Variants in NTNG1 observed in about 807,000 individuals in gnomAD.
The protein encoded by NTNG1 is netrin-G1.
A neutral mutation model predicts 54.0 loss-of-function variants in NTNG1; 16 were observed. The ratio of observed to expected loss-of-function variants is 0.30; its 90% CI spans 0.20 to 0.45. The LOEUF (loss-of-function observed/expected upper bound fraction) is 0.45, where lower values mean the gene tolerates loss of function less well. Among genes scored for constraint, NTNG1 ranks in the 20% least tolerant of loss-of-function variants. NTNG1 has a pLI of 1.00. For synonymous variants in NTNG1, 255 were observed against 263.1 expected (o/e 0.97, Z 0.30); for missense variants, 530 against 678.7 (o/e 0.78, Z 2.43).
intron 2 of NTNG1, among the ~76,000 whole-genome samples, chr1:107,246,096 G>A (rs1662175894): frequency 6.6e-6 from 1 of 152,112 alleles, no homozygotes. Flanking sequence ...CTGTTGCCCA[G>A]GCTGGAGTAC....
chr1:107,380,609 A>C (rs890257874), intron 3 of NTNG1, among the ~76,000 whole-genome samples: 2 of 152,248 alleles, frequency 1.3e-5, no homozygotes, highest in African/African-American at 4.8e-5. Context: ...TAGCTAATTT[A>C]CTATTGTTAT....
At chr1:107,245,348 TA>T (rs1441450524) in intron 2 of NTNG1, among the ~76,000 whole-genome samples, 5 of 152,234 alleles carry the variant, frequency 3.3e-5, no homozygotes, top group Non-Finnish European at 7.3e-5. Flanking sequence ...TACGTAAGTG[TA>T]AGTATTTTTC....
chr1:107,194,545 G>A (rs1658187300), intron 2 of NTNG1, among the ~76,000 whole-genome samples: 1 of 151,832 alleles, frequency 6.6e-6, no homozygotes, highest in African/African-American at 2.4e-5. Context: ...CCCAGTTACT[G>A]GTCACATATG....
intron 7 of NTNG1, among the ~76,000 whole-genome samples, chr1:107,461,208 A>G (rs1677263039): frequency 6.6e-6 from 1 of 152,218 alleles, no homozygotes; most frequent in South Asian, 2.1e-4. Context: ...AAACAGGGAA[A>G]GAAATAAACA....
intron 4 of NTNG1, among the ~76,000 whole-genome samples, chr1:107,399,073 A>G (rs2101106202): frequency 1.3e-5 from 2 of 152,152 alleles, no homozygotes; most frequent in South Asian, 4.2e-4. Context: ...TATGACCCAT[A>G]AAAGCACTCC....
rs141401930 is a variant in NTNG1 at position 107,436,864 on chromosome 1, G to A, written c.1390+65G>A. On this transcript the variant is annotated intron_variant, in intron 7 of 7. Transcript: ENST00000370068. The stretch of plus-strand genomic sequence containing the variant: ...TGGCTGATTTCTGCTTGGCTAGGCC[G>A]GTGCGTGCAGCTTCTCAGAGCAGAA... 3.8e-5 allele frequency: 56 copies of A among 1,469,032 alleles called. 1 individual carries two copies. The Middle Eastern group carries it at 7.9e-4, about 21-fold the overall frequency. 91.0% of individuals were successfully genotyped at this position (1,469,032 alleles called of 1,614,324 possible).
At chr1:107,321,600 T>C (rs369047485) in intron 2 of NTNG1, among the ~76,000 whole-genome samples, 1 of 152,106 alleles carries the variant, frequency 6.6e-6, no homozygotes, top group Non-Finnish European at 1.5e-5. Context: ...CTGTAGAATA[T>C]GAACAGGAGT....
chr1:107,154,749 GAT>G (rs34011515), intron 2 of NTNG1, among the ~76,000 whole-genome samples: 24 of 147,326 alleles, frequency 1.6e-4, no homozygotes, highest in Admixed American at 2.7e-4. Flanking sequence ...TAAAGAACCT[GAT>G]ATATATATAT....
In NTNG1 at chr1:107,388,673, C is replaced by T. The variant is rs376435800; in HGVS notation, c.888-6481C>T. On this transcript the variant is annotated intron_variant, in intron 3 of 7. Transcript: ENST00000370068. ...TGTTAAGTTACTTATCCTGGCCTTA[C>T]AGTAAGTAAGTGGCAAAGGAGGGAT... 2.0e-4 allele frequency among the ~76,000 whole-genome samples: 31 copies of T among 152,298 alleles called. 1 individual carries two copies. Among genetic ancestry groups the T allele is most frequent in the African/African-American group, 6.3e-4 (26 of 41,574 alleles).
At chr1:107,225,093 G>A (rs746284082) in intron 2 of NTNG1, among the ~76,000 whole-genome samples, 5 of 152,100 alleles carry the variant, frequency 3.3e-5, no homozygotes, top group Admixed American at 1.3e-4. Flanking sequence ...TATACCCAGA[G>A]AGTATCTCCA....
chr1:107,449,437 G>A (rs574086189), intron 7 of NTNG1, among the ~76,000 whole-genome samples: 2 of 151,952 alleles, frequency 1.3e-5, no homozygotes, highest in South Asian at 2.1e-4. Context: ...ATACATTTTC[G>A]GAGAGATTTA....
intron 2 of NTNG1, among the ~76,000 whole-genome samples, chr1:107,203,676 T>A (rs1368020362): frequency 6.6e-6 from 1 of 151,474 alleles, no homozygotes; most frequent in Non-Finnish European, 1.5e-5. Context: ...GTTTTTCAAC[T>A]TGACCTTTGT....
chr1:107,346,793 G>A (rs190330030), intron 3 of NTNG1, among the ~76,000 whole-genome samples: 2 of 144,380 alleles, frequency 1.4e-5, no homozygotes, highest in African/African-American at 5.1e-5. Context: ...TTTTGTATAT[G>A]CATTTGTGAA....
At chr1:107,443,963 G>A (rs920906713) in intron 7 of NTNG1, among the ~76,000 whole-genome samples, 4 of 152,132 alleles carry the variant, frequency 2.6e-5, no homozygotes, top group Admixed American at 2.6e-4. Flanking sequence ...TCTTTAAACA[G>A]AACCAGTAGG....
intron 2 of NTNG1, among the ~76,000 whole-genome samples, chr1:107,205,079 G>A (rs1570843513): frequency 2.0e-5 from 3 of 152,258 alleles, no homozygotes; most frequent in Middle Eastern, 6.8e-3. Context: ...GCTCCACTAG[G>A]ACTTTGACCC....
chr1:107,225,226 G>T (rs1173565175), intron 2 of NTNG1, among the ~76,000 whole-genome samples: 1 of 152,072 alleles, frequency 6.6e-6, no homozygotes, highest in Non-Finnish European at 1.5e-5. Context: ...AAGGACTTTG[G>T]ATAAGAACAT....
intron 3 of NTNG1, among the ~76,000 whole-genome samples, chr1:107,361,391 A>ATTTTTTTT (rs1177736263): frequency 1.1e-5 from 1 of 88,000 alleles, no homozygotes; most frequent in Admixed American, 1.9e-4. Flanking sequence ...ATATATATAT[A>ATTTTTTTT]TTTTTTTTTT....
chr1:107,480,486 G>C, intron 7 of NTNG1, 125 bp from the exon 8 acceptor site: 2 of 630,004 alleles, frequency 3.2e-6, no homozygotes, highest in Admixed American at 2.9e-5. Flanking sequence ...GAGGGGAGGG[G>C]GGAGCACAAA....
At position 107,318,067 on chromosome 1, in the gene NTNG1, C is replaced by G. The variant is rs192387325; in HGVS notation, c.247-6215C>G. ...CCCATAGTATTTAGGATGTAGTAGTCCCACTTTATCCACAGTTTTAATTCC... is the reference window on the plus strand; with the variant it reads ...CCCATAGTATTTAGGATGTAGTAGTGCCACTTTATCCACAGTTTTAATTCC... On this transcript the variant is annotated intron_variant, in intron 2 of 7. Coordinates refer to ENST00000370068, the MANE Select transcript of NTNG1 (RefSeq NM_001113226.3). Among the ~76,000 whole-genome samples, 6 of 152,258 alleles carry G rather than the reference C, an allele frequency of 3.9e-5. No individual in the cohort carries two copies. In the East Asian group the frequency reaches 1.2e-3, roughly 29 times the overall value.
Sources: allele counts gnomAD v4.1 joint callset (sites outside exome capture counted in the v4.1 genomes callset), GRCh38; gene constraint gnomAD v4.1.1; transcripts MANE v1.5; gene names NCBI Gene and HGNC (gene_info 2026-07-23, HGNC 2026-07-21).